The following NXNL2 variants were observed in gnomAD, a reference collection of about 807,000 sequenced individuals.
The protein encoded by NXNL2 is nucleoredoxin-like protein 2.
In NXNL2, 7 loss-of-function variants were observed where a neutral mutation model predicts 11.1. That is an observed-to-expected ratio of 0.63 (90% confidence interval 0.36 to 1.18). The LOEUF (loss-of-function observed/expected upper bound fraction) is 1.18, where lower values mean the gene tolerates loss of function less well. NXNL2 is among the 50% of genes most tolerant of loss of function. NXNL2 has a pLI of 0.02. For missense variants in NXNL2, 233 were observed against 217.7 expected (o/e 1.07, Z -0.44); for synonymous variants, 109 against 101.8 (o/e 1.07, Z -0.42).
chr9:88,541,118 T>C (rs948917699), intron 1 of NXNL2, among the ~76,000 whole-genome samples: 1 of 142,282 alleles, frequency 7.0e-6, no homozygotes, highest in Admixed American at 7.2e-5. Context: ...GTTATTTTTT[T>C]TTATTTTGTG....
chr9:88,572,450 C>T (rs557636602), intron 2 of NXNL2, among the ~76,000 whole-genome samples: 62 of 152,298 alleles, frequency 4.1e-4, no homozygotes, highest in African/African-American at 1.5e-3. Context: ...AGTAGCGGCT[C>T]CTCCTGCAGC....
At chr9:88,559,605 A>G (rs1830061063) in intron 1 of NXNL2, among the ~76,000 whole-genome samples, 1 of 152,178 alleles carries the variant, frequency 6.6e-6, no homozygotes, top group African/African-American at 2.4e-5. Flanking sequence ...GTGGCCAGCT[A>G]CTGCAGCAGG....
chr9:88,551,545 C>G (rs988525653), intron 1 of NXNL2, among the ~76,000 whole-genome samples: 1 of 152,092 alleles, frequency 6.6e-6, no homozygotes, highest in Non-Finnish European at 1.5e-5. Flanking sequence ...TGTTCTAGTT[C>G]CATGAAAGCA....
At chr9:88,576,193 T>G (rs1423278971), downstream of NXNL2, among the ~76,000 whole-genome samples, 1 of 152,224 alleles carries the variant, frequency 6.6e-6, no homozygotes, top group African/African-American at 2.4e-5. Context: ...AGACTCCGTC[T>G]CAAAAAGAAA....
intron 1 of NXNL2, among the ~76,000 whole-genome samples, chr9:88,560,594 T>C (rs1297199026): frequency 6.6e-6 from 1 of 152,114 alleles, no homozygotes; most frequent in Non-Finnish European, 1.5e-5. Flanking sequence ...ATCTTGGCTA[T>C]GCCAGGTTCA....
downstream of NXNL2, among the ~76,000 whole-genome samples, chr9:88,577,719 GACTT>G (rs1202429691): frequency 6.6e-6 from 1 of 152,114 alleles, no homozygotes; most frequent in Non-Finnish European, 1.5e-5. Context: ...TTGAATCAGG[GACTT>G]ACTTATGACC....
At chr9:88,561,950 T>C (rs1830090483) in intron 1 of NXNL2, among the ~76,000 whole-genome samples, 1 of 152,162 alleles carries the variant, frequency 6.6e-6, no homozygotes, top group South Asian at 2.1e-4. Flanking sequence ...AATTCCAAGG[T>C]GTATCCCAAC....
In NXNL2 at chr9:88,537,241, A is replaced by T. The variant is rs73652587; in HGVS notation, c.302+1505A>T. ...TTACAGATGTGCCATTGAGGCATAG[A>T]GTTCAGTTCTCCTGGCTCTGAGGAC... On this transcript the variant is annotated intron_variant, in intron 1 of 1. Transcript: ENST00000375854. 3.1e-3 allele frequency among the ~76,000 whole-genome samples: 466 copies of T among 152,286 alleles called. 1 individual carries two copies. The highest frequency in any genetic ancestry group is 0.01 in the African/African-American group (423 of 41,552).
chr9:88,575,128 G>A, exon 3 of NXNL2: 1 of 985,254 alleles, frequency 1.0e-6, no homozygotes, highest in Non-Finnish European at 1.2e-6. Flanking sequence ...TTGAAGAGGA[G>A]TTGGACACTC....
chr9:88,558,066 T>C (rs918835032), intron 1 of NXNL2, among the ~76,000 whole-genome samples: 7 of 152,196 alleles, frequency 4.6e-5, no homozygotes, highest in African/African-American at 1.7e-4. Context: ...GTCTTTTGTA[T>C]GTCAATGAAA....
chr9:88,541,199 A>G (rs926091702), intron 1 of NXNL2, among the ~76,000 whole-genome samples: 1 of 149,200 alleles, frequency 6.7e-6, no homozygotes, highest in Non-Finnish European at 1.5e-5. Context: ...GGCCTGTGTA[A>G]TGACCAGGCT....
intron 1 of NXNL2, among the ~76,000 whole-genome samples, chr9:88,556,198 G>C (rs1188012741): frequency 1.3e-5 from 2 of 152,092 alleles, no homozygotes; most frequent in East Asian, 1.9e-4. Flanking sequence ...CCTGCAACTT[G>C]GTGGGCCAGC....
downstream of NXNL2, among the ~76,000 whole-genome samples, chr9:88,576,569 C>G (rs1455149089): frequency 1.1e-4 from 17 of 152,148 alleles, no homozygotes; most frequent in Non-Finnish European, 7.4e-5. Flanking sequence ...GGAGACATGT[C>G]TGCTCTCCTG....
intron 1 of NXNL2, among the ~76,000 whole-genome samples, chr9:88,550,790 T>C (rs1223586209): frequency 6.6e-6 from 1 of 152,230 alleles, no homozygotes; most frequent in East Asian, 1.9e-4. Flanking sequence ...TGCCAGTAGA[T>C]GACATTTTCC....
At chr9:88,574,923 C>T (rs1276807193) in intron 2 of NXNL2, among the ~76,000 whole-genome samples, 1 of 152,210 alleles carries the variant, frequency 6.6e-6, no homozygotes, top group East Asian at 1.9e-4. Context: ...GGGCATAACT[C>T]TAAGGACATT....
downstream of NXNL2, among the ~76,000 whole-genome samples, chr9:88,547,679 C>T (rs1415429697): frequency 6.6e-6 from 1 of 152,150 alleles, no homozygotes; most frequent in Non-Finnish European, 1.5e-5. Flanking sequence ...AATCTTTGAG[C>T]CATTTGGTAA....
chr9:88,575,925 T>A (rs1830343457), downstream of NXNL2: 2 of 152,254 alleles, frequency 1.3e-5, no homozygotes, highest in Non-Finnish European at 2.9e-5. Flanking sequence ...CCAGGCACGG[T>A]GGCTCATACC....
chr9:88,580,734 C>A (rs1189599953), downstream of NXNL2, among the ~76,000 whole-genome samples: 1 of 152,194 alleles, frequency 6.6e-6, no homozygotes, highest in Non-Finnish European at 1.5e-5. Flanking sequence ...TCCACCCATG[C>A]TCTTCAGATT....
intron 2 of NXNL2, among the ~76,000 whole-genome samples, chr9:88,573,570 A>T (rs1830305869): frequency 6.6e-6 from 1 of 152,222 alleles, no homozygotes; most frequent in South Asian, 2.1e-4. Context: ...GGATCATCAC[A>T]CTAGGGGATT....
Sources: allele counts gnomAD v4.1 joint callset (sites outside exome capture counted in the v4.1 genomes callset), GRCh38; gene constraint gnomAD v4.1.1; transcripts MANE v1.5; gene names NCBI Gene and HGNC (gene_info 2026-07-23, HGNC 2026-07-21).